Variants in SAMD4B observed in about 807,000 individuals in gnomAD.
The protein encoded by SAMD4B is protein Smaug homolog 2.
A neutral mutation model predicts 74.5 loss-of-function variants in SAMD4B; 5 were observed. The ratio of observed to expected loss-of-function variants is 0.07; its 90% CI spans 0.04 to 0.14. The LOEUF (loss-of-function observed/expected upper bound fraction) is 0.14. Ranked by LOEUF, SAMD4B falls within the 10% of genes least tolerant of loss-of-function variation. SAMD4B has a pLI of 1.00. For missense variants in SAMD4B, 608 were observed against 921.8 expected (o/e 0.66, Z 4.41); for synonymous variants, 373 against 374.9 (o/e 1.00, Z 0.06).
rs1036673757 is a variant in SAMD4B at position 39,380,154 on chromosome 19, AG to A, written c.1649+74del. ...TTGCTGGTTAGCAGATCGTGCTTAG[AG>A]GGGTGATTGTGTTCTGGGCTGAGAA... On this transcript the variant is annotated intron_variant, in intron 10 of 13. Coordinates refer to ENST00000610417, the MANE Select transcript of SAMD4B (RefSeq NM_001384574.2). 120 of 1,197,954 alleles carry A rather than the reference AG, an allele frequency of 1.0e-4. No individual in the cohort carries two copies. The East Asian group carries it at 1.1e-3, about 11-fold the overall frequency. 74.2% of individuals were successfully genotyped at this position (1,197,954 alleles called of 1,614,324 possible). A position where few individuals can be genotyped will look rare whatever the true frequency, so the allele number is the denominator to read the frequency against.
chr19:39,346,600 A>G (rs1362475695), intron 1 of SAMD4B, among the ~76,000 whole-genome samples: 1 of 152,224 alleles, frequency 6.6e-6, no homozygotes, highest in African/African-American at 2.4e-5. Flanking sequence ...TAAGTAAACT[A>G]CCATTATCCT....
Position 39,384,882 on chromosome 19 carries a change from T to C in SAMD4B, c.*1355T>C, listed in dbSNP as rs2078201064. 6.7e-6 allele frequency: 1 copy of C among 149,516 alleles called. No individual in the cohort carries two copies. Among genetic ancestry groups the C allele is most frequent in the Non-Finnish European group, 1.5e-5 (1 of 66,980 alleles). The allele number at this position is 149,516 out of a possible 1,614,324, so 9.3% of individuals were successfully genotyped here. ...TAACCATTGTGTATGTTATTAAAGATACAAAATGTTGGGAAAAAAACAAAA... is the reference window on the plus strand; with the variant it reads ...TAACCATTGTGTATGTTATTAAAGACACAAAATGTTGGGAAAAAAACAAAA... On this transcript the variant is annotated 3_prime_UTR_variant, in exon 14 of 14. Transcript: ENST00000610417.
In SAMD4B at chr19:39,375,244, C is replaced by T. The variant is rs2077533011; in HGVS notation, c.668-406C>T. Among the ~76,000 whole-genome samples the T allele has an allele frequency of 6.6e-6, 1 of 152,148 alleles. No homozygotes were observed. The highest frequency in any genetic ancestry group is 1.5e-5 in the Non-Finnish European group (1 of 68,018). ...TGGAAGCATTTGTATTTTGTTCCCA[C>T]TATGAAAGGAAGTCACAGGGATTTG... On this transcript the variant is annotated intron_variant, in intron 4 of 13. Transcript: ENST00000610417. The surrounding 1 kb of genome is among the most constrained non-coding windows in gnomAD (Gnocchi z 4.1).
At chr19:39,371,410 C>T (rs2077288154) in intron 4 of SAMD4B, among the ~76,000 whole-genome samples, 1 of 152,184 alleles carries the variant, frequency 6.6e-6, no homozygotes, top group Admixed American at 6.5e-5. Context: ...GATAGAAGGG[C>T]AGTTTCAGGA....
At chr19:39,387,678 G>C (rs2078282802), downstream of SAMD4B, among the ~76,000 whole-genome samples, 2 of 152,300 alleles carry the variant, frequency 1.3e-5, no homozygotes, top group South Asian at 4.1e-4. Flanking sequence ...GAAGAGTTTT[G>C]GAGTCACATT....
chr19:39,390,648 C>G (rs2078359967), downstream of SAMD4B, among the ~76,000 whole-genome samples: 1 of 152,206 alleles, frequency 6.6e-6, no homozygotes, highest in African/African-American at 2.4e-5. Context: ...AATCCCTGAA[C>G]TGCACGGCGG....
chr19:39,373,984 T>G (rs953465715), intron 4 of SAMD4B, among the ~76,000 whole-genome samples: 2 of 145,328 alleles, frequency 1.4e-5, no homozygotes, highest in Non-Finnish European at 3.0e-5. Context: ...TATATATATA[T>G]GACCAGGCAC....
Position 39,385,448 on chromosome 19 carries a change from A to T in SAMD4B, c.*1921A>T, listed in dbSNP as rs1468448690. The T allele has an allele frequency of 4.8e-6, 2 of 417,410 alleles. No individual in the cohort carries two copies. The highest frequency in any genetic ancestry group is 3.9e-5 in the Admixed American group (1 of 25,860). 25.9% of individuals were successfully genotyped at this position (417,410 alleles called of 1,614,324 possible). A position where few individuals can be genotyped will look rare whatever the true frequency, so the allele number is the denominator to read the frequency against. On this transcript the variant is annotated 3_prime_UTR_variant, in exon 14 of 14. Transcript: ENST00000610417. ...TGCCCCCCACCCCACCTGACAGCAGAGTGTGCAGGACGCAGGCGGCCCCAC... is the reference window on the plus strand; with the variant it reads ...TGCCCCCCACCCCACCTGACAGCAGTGTGTGCAGGACGCAGGCGGCCCCAC...
At chr19:39,344,668 G>T (rs2075581261) in intron 1 of SAMD4B, among the ~76,000 whole-genome samples, 1 of 151,912 alleles carries the variant, frequency 6.6e-6, no homozygotes, top group Non-Finnish European at 1.5e-5. Context: ...TTCTCAGGGG[G>T]CCCCCTTTTC....
In SAMD4B at chr19:39,356,428, T is replaced by A. The variant is rs549089805; in HGVS notation, c.-205-261T>A. On this transcript the variant is annotated intron_variant, in intron 2 of 13. Transcript: ENST00000610417. ...GTTAAATCCGCTTCCTTTGACACTA[T>A]GACAGCCAGGTGTGAGGGCCAACAT... Among the ~76,000 whole-genome samples, 4 of 152,334 alleles carry A rather than the reference T, an allele frequency of 2.6e-5. No homozygotes were observed. The South Asian group carries it at 8.3e-4, about 32-fold the overall frequency.
chr19:39,362,584 G>A (rs1030870277), intron 3 of SAMD4B, among the ~76,000 whole-genome samples: 30 of 152,132 alleles, frequency 2.0e-4, no homozygotes, highest in African/African-American at 6.5e-4. Context: ...TGTAATCCCT[G>A]TTTGTTCTCC....
chr19:39,354,971 C>G (rs886757012), intron 2 of SAMD4B, among the ~76,000 whole-genome samples: 2 of 152,206 alleles, frequency 1.3e-5, no homozygotes, highest in Non-Finnish European at 2.9e-5. Context: ...CTCCCAGCTT[C>G]AAGCGATTAT....
intron 3 of SAMD4B, among the ~76,000 whole-genome samples, chr19:39,368,410 T>C (rs1043101637): frequency 1.3e-5 from 2 of 152,090 alleles, no homozygotes; most frequent in Non-Finnish European, 2.9e-5. Context: ...GGCCAAAACC[T>C]TGAATCTCAG....
chr19:39,355,759 A>G (rs1285023856), intron 2 of SAMD4B, among the ~76,000 whole-genome samples: 3 of 152,154 alleles, frequency 2.0e-5, no homozygotes, highest in Non-Finnish European at 2.9e-5. Flanking sequence ...TAAGAGGGGA[A>G]TTTGGACACT....
In SAMD4B at chr19:39,381,130, T is replaced by C. The variant is rs369487566; in HGVS notation, c.1972+17T>C. 9.5e-6 allele frequency: 15 copies of C among 1,578,422 alleles called. No individual in the cohort carries two copies. The highest frequency in any genetic ancestry group is 1.4e-5 in the African/African-American group (1 of 73,812). On this transcript the variant is annotated intron_variant, in intron 12 of 13. Transcript: ENST00000610417. The stretch of plus-strand genomic sequence containing the variant: ...TCCCTCCAGGTGAGGTGCCCCACCC[T>C]TGGGACTCTGCCTGGCCAACATCCT...
chr19:39,350,102 A>G (rs1008791628), intron 1 of SAMD4B: 1 of 152,236 alleles, frequency 6.6e-6, no homozygotes, highest in Non-Finnish European at 1.5e-5. Context: ...AAATGTGCTT[A>G]TCTGTGGAAA....
intron 12 of SAMD4B, among the ~76,000 whole-genome samples, chr19:39,382,542 C>T (rs974741850): frequency 2.0e-5 from 3 of 152,012 alleles, no homozygotes; most frequent in Non-Finnish European, 4.4e-5. Context: ...GGAGCTGGGT[C>T]GTCTAAATCC....
intron 1 of SAMD4B, among the ~76,000 whole-genome samples, chr19:39,349,336 C>G (rs1481936853): frequency 6.6e-6 from 1 of 152,060 alleles, no homozygotes; most frequent in Non-Finnish European, 1.5e-5. Context: ...AGAGAATAAA[C>G]TTTTCGGGGG....
intron 3 of SAMD4B, among the ~76,000 whole-genome samples, chr19:39,363,666 G>A (rs1425506315): frequency 6.6e-6 from 1 of 152,218 alleles, no homozygotes; most frequent in Non-Finnish European, 1.5e-5. Flanking sequence ...AAGAGACCAA[G>A]GATCAGAGAG....
Sources: gnomAD v4.1 joint callset for allele counts (sites outside exome capture counted in the v4.1 genomes callset) on GRCh38, gnomAD v4.1.1 for gene constraint, Gnocchi (gnomAD v3.1) non-coding constraint, MANE v1.5 for transcripts, NCBI Gene and HGNC (gene_info 2026-07-23, HGNC 2026-07-21) for gene names.